Variants in TTF1 observed in about 807,000 individuals in gnomAD.
TTF1 encodes transcription termination factor, RNA polymerase I.
In TTF1, 64 loss-of-function variants were observed where a neutral mutation model predicts 80.2. The ratio of observed to expected loss-of-function variants is 0.80; its 90% CI spans 0.65 to 0.98. TTF1 has a LOEUF of 0.98. Ranked by LOEUF, TTF1 falls within the 50% of genes least tolerant of loss-of-function variation. The probability of loss-of-function intolerance (pLI) is 0.00; values close to 1 mark genes in which losing one functional copy is unlikely to be tolerated. For synonymous variants in TTF1, 372 were observed against 382.7 expected, an observed-to-expected ratio of 0.97 and a Z score of 0.33; for missense variants, 1,023 against 1,086.2, an observed-to-expected ratio of 0.94 and a Z score of 0.82.
intron 5 of TTF1, among the ~76,000 whole-genome samples, chr9:132,393,927 T>A (rs1446027952): frequency 6.6e-6 from 1 of 151,930 alleles, no homozygotes. Context: ...AATTTCTTTT[T>A]TTTTTTTTCT....
chr9:132,403,921 A>G (rs1832839171), intron 1 of TTF1, among the ~76,000 whole-genome samples: 1 of 152,212 alleles, frequency 6.6e-6, no homozygotes, highest in Admixed American at 6.5e-5. Flanking sequence ...ACTGGAATAA[A>G]TTTCACAAGC....
chr9:132,405,910 G>C (rs778663737), intron 1 of TTF1, among the ~76,000 whole-genome samples: 1 of 152,088 alleles, frequency 6.6e-6, no homozygotes, highest in Non-Finnish European at 1.5e-5. Context: ...CCTTTAACTG[G>C]TCCAAGTATG....
rs540358341 is a variant in TTF1, at chr9:132,394,387, T to G, written c.1856+2046A>C. 2.0e-5 allele frequency among the ~76,000 whole-genome samples: 3 copies of G among 148,950 alleles called. No homozygotes were observed. In the East Asian group the frequency reaches 6.2e-4, roughly 31 times the overall value. On this transcript the variant is annotated intron_variant, in intron 5 of 10. Transcript: ENST00000334270. ...CTCTGCCTCACAGGTTCAAGCAATC[T>G]TCCTGCCTCAGCCTCCCAAGTAGCT...
chr9:132,376,502 T>G (rs1849179309), intron 10 of TTF1, among the ~76,000 whole-genome samples: 1 of 152,018 alleles, frequency 6.6e-6, no homozygotes, highest in African/African-American at 2.4e-5. Context: ...CAGGGTACGA[T>G]ATCACCCAAA....
Position 132,400,023 on chromosome 9 carries a change from C to T in TTF1, c.1591+12G>A, listed in dbSNP as rs753390924. The T allele has an allele frequency of 3.1e-6, 5 of 1,613,912 alleles. No homozygotes were observed. The East Asian group carries it at 6.7e-5, about 22-fold the overall frequency. On this transcript the variant is annotated intron_variant, in intron 3 of 10. Transcript: ENST00000334270. ...AGGAAGTTCAACAAACACTAAGGCC[C>T]CACAAGCTCACCTTGTGCTTTAAAT...
chr9:132,404,210 C>T (rs1476169781), intron 1 of TTF1, among the ~76,000 whole-genome samples: 1 of 152,180 alleles, frequency 6.6e-6, no homozygotes, highest in African/African-American at 2.4e-5. Flanking sequence ...TTGCTATTTT[C>T]ACCTAACAAC....
Position 132,378,652 on chromosome 9 carries a change from A to AGTGCATGTGGTGT in TTF1, c.2464+406_2464+407insACACCACATGCAC, listed in dbSNP as rs1564182435. ...GGTTGGTGTGAGTGCATGTGGTGTG[A>AGTGCATGTGGTGT]GTGCATACGTGTGTGAGTGCATGCA... On this transcript the variant is annotated intron_variant, in intron 10 of 10. Coordinates refer to ENST00000334270, the MANE Select transcript of TTF1 (RefSeq NM_007344.4). Among the ~76,000 whole-genome samples, 254 of 65,024 alleles carry AGTGCATGTGGTGT rather than the reference A, an allele frequency of 3.9e-3. 6 individuals are homozygous for AGTGCATGTGGTGT. Among genetic ancestry groups the AGTGCATGTGGTGT allele is most frequent in the African/African-American group, 0.023 (244 of 10,764 alleles). 42.7% of individuals were successfully genotyped at this position (65,024 alleles called of 152,430 possible). A position where few individuals can be genotyped will look rare whatever the true frequency, so the allele number is the denominator to read the frequency against.
At chr9:132,398,050 G>A in intron 4 of TTF1, 91 bp downstream of exon 4, 6 of 1,083,768 alleles carry the variant, frequency 5.5e-6, no homozygotes, top group Non-Finnish European at 7.7e-6. Context: ...GCAGGCAATG[G>A]GCCAGGTACC....
chr9:132,398,364 TTAATAATGACAAAAGC>T, intron 3 of TTF1, 38 bp from the exon 4 acceptor site: 1 of 1,458,684 alleles, frequency 6.9e-7, no homozygotes, highest in Non-Finnish European at 9.0e-7. Context: ...GTGTGTATTG[TTAATAATGACAAAAGC>T]AAACCTATGA....
intron 1 of TTF1, among the ~76,000 whole-genome samples, chr9:132,403,793 G>C (rs1849811490): frequency 4.6e-5 from 7 of 152,216 alleles, no homozygotes; most frequent in Admixed American, 3.9e-4. Flanking sequence ...ATCCACAAAA[G>C]GGCTTCGCAG....
intron 10 of TTF1, 133 bp from the exon 11 acceptor site, chr9:132,376,301 G>T: frequency 9.9e-7 from 1 of 1,006,558 alleles, no homozygotes; most frequent in Non-Finnish European, 1.4e-6. Context: ...GGTTCCAATT[G>T]GTTTACCCAC....
chr9:132,382,237 A>G (rs1223053773), intron 9 of TTF1, among the ~76,000 whole-genome samples: 2 of 152,124 alleles, frequency 1.3e-5, no homozygotes, highest in Non-Finnish European at 2.9e-5. Flanking sequence ...GTTCAATCTC[A>G]CTTCTCACAT....
chr9:132,395,727 C>T (rs1589823912), intron 5 of TTF1, among the ~76,000 whole-genome samples: 1 of 152,122 alleles, frequency 6.6e-6, no homozygotes, highest in African/African-American at 2.4e-5. Flanking sequence ...ACTCAACTGC[C>T]GCTGCCAGAA....
rs938289896 is a variant in TTF1 at position 132,384,797 on chromosome 9, C to T, written c.2378+1759G>A. ...TCAGCCTCCTGAGTAGCTGGGACTA[C>T]AGGCACCTGCCATCATGCCTGGCTA... On this transcript the variant is annotated intron_variant, in intron 9 of 10. Coordinates refer to ENST00000334270, the MANE Select transcript of TTF1 (RefSeq NM_007344.4). The surrounding 1 kb of genome is among the most constrained non-coding windows in gnomAD (Gnocchi z 4.1). 2.0e-5 allele frequency among the ~76,000 whole-genome samples: 3 copies of T among 152,146 alleles called. No homozygotes were observed. Among genetic ancestry groups the T allele is most frequent in the African/African-American group, 7.2e-5 (3 of 41,434 alleles).
At chr9:132,381,185 T>C (rs776968478) in intron 9 of TTF1, among the ~76,000 whole-genome samples, 1 of 151,982 alleles carries the variant, frequency 6.6e-6, no homozygotes, top group Non-Finnish European at 1.5e-5. Context: ...ACAAATTTAA[T>C]GGAAAAGCTG....
intron 4 of TTF1, 106 bp downstream of exon 4, chr9:132,398,035 C>G: frequency 1.1e-6 from 1 of 875,900 alleles, no homozygotes; most frequent in Non-Finnish European, 1.7e-6. Context: ...TAATGTGCGC[C>G]GCCTGCAGGC....
chr9:132,386,426 T>C, intron 9 of TTF1, 130 bp downstream of exon 9: 6 of 830,588 alleles, frequency 7.2e-6, no homozygotes, highest in Non-Finnish European at 1.2e-5. Flanking sequence ...ATACACTGAA[T>C]TTTAACCACC....
At chr9:132,400,644 TCTCA>T (rs1849743325) in intron 2 of TTF1, among the ~76,000 whole-genome samples, 1 of 152,082 alleles carries the variant, frequency 6.6e-6, no homozygotes, top group Non-Finnish European at 1.5e-5. Flanking sequence ...TTAAAATGGC[TCTCA>T]CTTAGGCTAC....
rs1849730913 is a variant in TTF1 at position 132,400,022 on chromosome 9, C to T, written c.1591+13G>A. On this transcript the variant is annotated intron_variant, in intron 3 of 10. Coordinates refer to ENST00000334270, the MANE Select transcript of TTF1 (RefSeq NM_007344.4). The stretch of plus-strand genomic sequence containing the variant: ...CAGGAAGTTCAACAAACACTAAGGC[C>T]CCACAAGCTCACCTTGTGCTTTAAA... 1 of 1,613,686 alleles carries T rather than the reference C, an allele frequency of 6.2e-7. No homozygotes were observed. The highest frequency in any genetic ancestry group is 1.3e-5 in the African/African-American group (1 of 74,900).
Sources: gnomAD v4.1 joint callset for allele counts (sites outside exome capture counted in the v4.1 genomes callset) on GRCh38, gnomAD v4.1.1 for gene constraint, Gnocchi (gnomAD v3.1) non-coding constraint, MANE v1.5 for transcripts, NCBI Gene and HGNC (gene_info 2026-07-23, HGNC 2026-07-21) for gene names.